MGAT4C: variants seen among roughly 807,000 people sequenced by gnomAD.
The protein encoded by MGAT4C is MGAT4 family member C.
In MGAT4C, 19 loss-of-function variants were observed where a neutral mutation model predicts 40.1. The ratio of observed to expected loss-of-function variants is 0.47; its 90% CI spans 0.33 to 0.70. The LOEUF (loss-of-function observed/expected upper bound fraction) is 0.70, where lower values mean the gene tolerates loss of function less well. MGAT4C is among the 30% of genes least tolerant of loss of function. The pLI is 0.02. For missense variants in MGAT4C, 491 were observed against 563.2 expected (o/e 0.87, Z 1.30); for synonymous variants, 181 against 187.1 (o/e 0.97, Z 0.27).
chr12:86,310,030 T>C (rs1954030447), intron 4 of MGAT4C, among the ~76,000 whole-genome samples: 1 of 151,890 alleles, frequency 6.6e-6, no homozygotes. Context: ...GAAGACCCTA[T>C]TAAAAAAATA....
intron 4 of MGAT4C, among the ~76,000 whole-genome samples, chr12:86,261,500 T>TA (rs1443468135): frequency 7.9e-5 from 12 of 151,972 alleles, no homozygotes; most frequent in Non-Finnish European, 4.4e-5. Flanking sequence ...TTTGAATTAG[T>TA]AAAAAAACAT....
intron 3 of MGAT4C, among the ~76,000 whole-genome samples, chr12:86,380,290 C>T (rs377271654): frequency 6.6e-6 from 1 of 152,064 alleles, no homozygotes; most frequent in African/African-American, 2.4e-5. Flanking sequence ...GAAAAAAATT[C>T]ACCAAATTTC....
intron 1 of MGAT4C, among the ~76,000 whole-genome samples, chr12:86,108,767 C>A (rs1166013180): frequency 6.6e-6 from 1 of 152,114 alleles, no homozygotes; most frequent in Non-Finnish European, 1.5e-5. Flanking sequence ...TGCCTCAGGA[C>A]CACCATCATG....
chr12:86,591,312 T>C (rs979055734), intron 2 of MGAT4C, among the ~76,000 whole-genome samples: 8 of 152,010 alleles, frequency 5.3e-5, no homozygotes, highest in African/African-American at 1.9e-4. Context: ...TCTATGATAT[T>C]AATAGAATAA....
At chr12:85,983,733 G>T in intron 3 of MGAT4C, 63 bp from the exon 4 acceptor site, 1 of 1,338,780 alleles carries the variant, frequency 7.5e-7, no homozygotes, top group Non-Finnish European at 1.0e-6. Flanking sequence ...ATTAAATAAA[G>T]TTTCTTTTTT....
At chr12:86,486,975 C>A (rs1007236560) in intron 2 of MGAT4C, among the ~76,000 whole-genome samples, 1 of 152,072 alleles carries the variant, frequency 6.6e-6, no homozygotes, top group Non-Finnish European at 1.5e-5. Context: ...AATGGATATA[C>A]CAATCAGGGG....
At chr12:86,613,978 C>T in intron 2 of MGAT4C, among the ~76,000 whole-genome samples, 1 of 152,130 alleles carries the variant, frequency 6.6e-6, no homozygotes, top group South Asian at 2.1e-4. Flanking sequence ...CAAAGAGATA[C>T]ATGAGCAGAG....
intron 1 of MGAT4C, among the ~76,000 whole-genome samples, chr12:86,161,648 G>C (rs1885601691): frequency 6.6e-6 from 1 of 151,988 alleles, no homozygotes; most frequent in Non-Finnish European, 1.5e-5. Context: ...AAAACAAATA[G>C]ACAAGTGGGA....
At chr12:86,727,105 A>G (rs965329388) in intron 2 of MGAT4C, 2 of 152,158 alleles carry the variant, frequency 1.3e-5, no homozygotes, top group Admixed American at 1.3e-4. Context: ...TTATACTGTT[A>G]AATCCAAATT....
At chr12:86,139,880 T>C (rs1882581662) in intron 1 of MGAT4C, among the ~76,000 whole-genome samples, 1 of 152,186 alleles carries the variant, frequency 6.6e-6, no homozygotes, top group South Asian at 2.1e-4. Flanking sequence ...GAGTCATCCA[T>C]TCCTCATCCA....
chr12:86,513,225 G>C (rs1251955845), intron 2 of MGAT4C, among the ~76,000 whole-genome samples: 1 of 152,054 alleles, frequency 6.6e-6, no homozygotes, highest in Non-Finnish European at 1.5e-5. Context: ...TCATTTAAAA[G>C]TTCTTGGATT....
chr12:86,342,501 C>A (rs1954925803), intron 3 of MGAT4C, among the ~76,000 whole-genome samples: 1 of 152,178 alleles, frequency 6.6e-6, no homozygotes, highest in Non-Finnish European at 1.5e-5. Flanking sequence ...ACCCTAAGTG[C>A]CTCATCCACA....
rs566935322 is a variant in MGAT4C at position 86,006,451 on chromosome 12, A to G, written c.-6-16899T>C. Among the ~76,000 whole-genome samples the G allele has an allele frequency of 6.6e-5, 10 of 152,298 alleles. No individual in the cohort carries two copies. The South Asian group carries it at 2.1e-3, about 32-fold the overall frequency. ...CAACAGATGTTTCAGCTGGTCCTCA[A>G]TGAGCAAAAGATAACTCAAAAAGAA... On this transcript the variant is annotated intron_variant, in intron 2 of 4. Transcript: ENST00000611864.
intron 2 of MGAT4C, among the ~76,000 whole-genome samples, chr12:86,035,926 A>AT (rs1891198778): frequency 6.7e-6 from 1 of 149,666 alleles, no homozygotes; most frequent in African/African-American, 2.4e-5. Context: ...GTTCTCTTCC[A>AT]TTGGTCTATA....
At chr12:86,038,674 C>A (rs1163363737) in intron 2 of MGAT4C, among the ~76,000 whole-genome samples, 1 of 149,694 alleles carries the variant, frequency 6.7e-6, no homozygotes, top group Non-Finnish European at 1.5e-5. Context: ...ACCGATGGGT[C>A]TTGACTCTAT....
intron 1 of MGAT4C, among the ~76,000 whole-genome samples, chr12:86,105,802 A>T (rs1876051395): frequency 6.6e-6 from 1 of 152,208 alleles, no homozygotes; most frequent in Admixed American, 6.6e-5. Flanking sequence ...CAAAGAAAGT[A>T]AAATATGGTG....
intron 3 of MGAT4C, among the ~76,000 whole-genome samples, chr12:86,351,079 T>C (rs1052111410): frequency 6.6e-6 from 1 of 151,920 alleles, no homozygotes; most frequent in African/African-American, 2.4e-5. Context: ...AATCCTTCTC[T>C]AGTATACAGC....
At chr12:86,003,808 A>C (rs900610514) in intron 2 of MGAT4C, among the ~76,000 whole-genome samples, 10 of 142,236 alleles carry the variant, frequency 7.0e-5, no homozygotes, top group Middle Eastern at 3.5e-3. Flanking sequence ...TTAATGCAAA[A>C]CTAGATTTTT....
At chr12:86,635,826 C>A (rs1039746151) in intron 2 of MGAT4C, among the ~76,000 whole-genome samples, 2 of 151,532 alleles carry the variant, frequency 1.3e-5, no homozygotes, top group Non-Finnish European at 1.5e-5. Flanking sequence ...ACTCAGCATG[C>A]AACCATGTTC....
Sources: allele counts gnomAD v4.1 joint callset (sites outside exome capture counted in the v4.1 genomes callset), GRCh38; gene constraint gnomAD v4.1.1; transcripts MANE v1.5; gene names NCBI Gene and HGNC (gene_info 2026-07-23, HGNC 2026-07-21).